ZC3H12B: variants seen among roughly 807,000 people sequenced by gnomAD.
ZC3H12B encodes probable ribonuclease ZC3H12B.
Under a neutral mutation model 43.9 loss-of-function variants are expected in ZC3H12B, and 7 were observed. The observed-to-expected ratio is 0.16, with a 90% confidence interval of 0.09 to 0.30. The LOEUF (loss-of-function observed/expected upper bound fraction) is 0.30. Ranked by LOEUF, ZC3H12B falls within the 10% of genes least tolerant of loss-of-function variation. The pLI, the probability that ZC3H12B is intolerant of heterozygous loss-of-function variation, is 1.00. For missense variants in ZC3H12B, 475 were observed against 670.2 expected, an observed-to-expected ratio of 0.71 and a Z score of 3.22; for synonymous variants, 222 against 241.7, an observed-to-expected ratio of 0.92 and a Z score of 0.76.
At chrX:65,068,675 T>C in the ZC3H12B span, among the ~76,000 whole-genome samples, 17 of 111,987 alleles carry the variant, frequency 1.5e-4, no homozygotes, top group African/African-American at 5.5e-4. Flanking sequence ...GACAGTGTTA[T>C]AATATTCTGT....
the ZC3H12B span, chrX:65,327,879 C>T: frequency 8.0e-6 from 1 of 124,848 alleles, no homozygotes; most frequent in African/African-American, 3.2e-5. Flanking sequence ...AAACAAACAT[C>T]AATTCTGTTA....
the ZC3H12B span, among the ~76,000 whole-genome samples, chrX:65,276,893 C>A: frequency 3.6e-5 from 4 of 111,560 alleles, no homozygotes; most frequent in African/African-American, 1.3e-4. Context: ...TCAATAATAA[C>A]CTTGAATGTA....
At chrX:65,372,920 A>G (rs1046468303) in intron 2 of ZC3H12B, among the ~76,000 whole-genome samples, 10 of 112,546 alleles carry the variant, frequency 8.9e-5, no homozygotes, top group African/African-American at 3.2e-4. Flanking sequence ...AGTAAAATAC[A>G]TAAAACTGAC....
chrX:65,330,990 T>C, the ZC3H12B span: 1 of 330,632 alleles, frequency 3.0e-6, no homozygotes, highest in Non-Finnish European at 6.0e-6. Flanking sequence ...CCTCTGCATA[T>C]TGTTCCTGAA....
chrX:65,118,327 G>A, the ZC3H12B span, among the ~76,000 whole-genome samples: 2 of 111,407 alleles, frequency 1.8e-5, no homozygotes, highest in Non-Finnish European at 3.8e-5. Context: ...TGAAGCAATT[G>A]TGAATGGGAG....
intron 3 of ZC3H12B, among the ~76,000 whole-genome samples, chrX:65,421,617 T>C (rs1406189547): frequency 8.9e-6 from 1 of 112,270 alleles, no homozygotes; most frequent in Non-Finnish European, 1.9e-5. Context: ...ACAATCATGG[T>C]ATTTCACACA....
intron 2 of ZC3H12B, among the ~76,000 whole-genome samples, chrX:65,392,761 T>G (rs1036864040): frequency 8.9e-6 from 1 of 112,833 alleles, no homozygotes; most frequent in African/African-American, 3.2e-5. Flanking sequence ...AACAGCTCAT[T>G]GAGAATGGGC....
chrX:65,222,643 AT>A, the ZC3H12B span, among the ~76,000 whole-genome samples: 295 of 97,200 alleles, frequency 3.0e-3, 2 homozygotes, highest in Middle Eastern at 0.021. Flanking sequence ...AATAATAATA[AT>A]AATAATAAAA....
the ZC3H12B span, among the ~76,000 whole-genome samples, chrX:65,326,195 C>T: frequency 9.0e-6 from 1 of 111,291 alleles, no homozygotes; most frequent in Non-Finnish European, 1.9e-5. Flanking sequence ...AGTTTCTGTG[C>T]AACAAAGGAA....
chrX:65,229,033 C>A, the ZC3H12B span, among the ~76,000 whole-genome samples: 1 of 110,966 alleles, frequency 9.0e-6, no homozygotes, highest in South Asian at 3.9e-4. Context: ...GAAAAAACTA[C>A]TTTAAAGTTC....
the ZC3H12B span, among the ~76,000 whole-genome samples, chrX:65,080,700 A>G: frequency 8.9e-6 from 1 of 111,957 alleles, no homozygotes. Flanking sequence ...TTTAATCAAT[A>G]ACAGACCTAT....
the ZC3H12B span, among the ~76,000 whole-genome samples, chrX:65,159,386 C>G: frequency 1.8e-5 from 2 of 111,738 alleles, no homozygotes; most frequent in South Asian, 3.8e-4. Flanking sequence ...GGTATTGATT[C>G]TTCCTACCCA....
chrX:65,179,704 A>C, the ZC3H12B span, among the ~76,000 whole-genome samples: 1 of 111,998 alleles, frequency 8.9e-6, no homozygotes, highest in African/African-American at 3.2e-5. Flanking sequence ...AGAATACTAT[A>C]AAAAACCTCT....
the ZC3H12B span, among the ~76,000 whole-genome samples, chrX:65,232,009 G>C: frequency 3.6e-5 from 4 of 110,217 alleles, no homozygotes; most frequent in Non-Finnish European, 7.6e-5. Flanking sequence ...GCTGAGGCGG[G>C]CAGAACACAA....
At chrX:65,252,009 A>G in the ZC3H12B span, among the ~76,000 whole-genome samples, 9 of 111,677 alleles carry the variant, frequency 8.1e-5, no homozygotes, top group Admixed American at 3.8e-4. Context: ...TCCCTGTCTT[A>G]TGCCAGTTTT....
intron 3 of ZC3H12B, among the ~76,000 whole-genome samples, chrX:65,429,340 C>A (rs2067121818): frequency 8.9e-6 from 1 of 112,588 alleles, no homozygotes; most frequent in African/African-American, 3.2e-5. Context: ...CCAGGGCCCA[C>A]AGGCTAGATT....
chrX:65,155,849 G>A, the ZC3H12B span, among the ~76,000 whole-genome samples: 1 of 109,518 alleles, frequency 9.1e-6, no homozygotes, highest in East Asian at 2.9e-4. Context: ...ACAGAGCGAG[G>A]CCTTTTCTAA....
At chrX:65,494,917 A>T (rs2068257769) in intron 1 of ZC3H12B, among the ~76,000 whole-genome samples, 1 of 112,179 alleles carries the variant, frequency 8.9e-6, no homozygotes, top group African/African-American at 3.2e-5. Flanking sequence ...ATAGCACTGC[A>T]GAGCCAAATG....
intron 3 of ZC3H12B, among the ~76,000 whole-genome samples, chrX:65,444,315 T>C (rs1421800476): frequency 8.9e-6 from 1 of 112,421 alleles, no homozygotes; most frequent in African/African-American, 3.2e-5. Context: ...AAATCTCATC[T>C]TGAATTCCCT....
Sources: gnomAD v4.1 joint callset for allele counts (sites outside exome capture counted in the v4.1 genomes callset) on GRCh38, gnomAD v4.1.1 for gene constraint, MANE v1.5 for transcripts, NCBI Gene and HGNC (gene_info 2026-07-23, HGNC 2026-07-21) for gene names.